CNTNAP5: variants seen among roughly 807,000 people sequenced by gnomAD.
The protein encoded by CNTNAP5 is contactin associated protein family member 5.
A neutral mutation model predicts 150.2 loss-of-function variants in CNTNAP5; 72 were observed. The ratio of observed to expected loss-of-function variants is 0.48; its 90% CI spans 0.40 to 0.58. The LOEUF is 0.58. Ranked by LOEUF, CNTNAP5 falls within the 20% of genes least tolerant of loss-of-function variation. The probability of loss-of-function intolerance (pLI) is 0.00; values close to 1 mark genes in which losing one functional copy is unlikely to be tolerated. For missense variants in CNTNAP5, 1,636 were observed against 1,626.2 expected, an observed-to-expected ratio of 1.01 and a Z score of -0.10; for synonymous variants, 672 against 619.8, an observed-to-expected ratio of 1.08 and a Z score of -1.25.
At chr2:124,343,313 T>C (rs904593996) in intron 3 of CNTNAP5, among the ~76,000 whole-genome samples, 1 of 152,214 alleles carries the variant, frequency 6.6e-6, no homozygotes. Flanking sequence ...CATACCCATA[T>C]GAATGTAACT....
intron 10 of CNTNAP5, among the ~76,000 whole-genome samples, chr2:124,531,866 G>A (rs913623154): frequency 3.3e-5 from 5 of 152,190 alleles, no homozygotes; most frequent in African/African-American, 9.7e-5. Context: ...CATTTGGGCC[G>A]AGCTTGCTTG....
chr2:124,219,021 G>A (rs1006625026), intron 1 of CNTNAP5, among the ~76,000 whole-genome samples: 1 of 152,070 alleles, frequency 6.6e-6, no homozygotes, highest in Non-Finnish European at 1.5e-5. Context: ...GAATTAATTT[G>A]AAATGATTAG....
intron 19 of CNTNAP5, among the ~76,000 whole-genome samples, chr2:124,838,329 G>A (rs1682871508): frequency 6.6e-6 from 1 of 152,026 alleles, no homozygotes; most frequent in Non-Finnish European, 1.5e-5. Context: ...GATATCTAGA[G>A]GCCTTGAGAT....
At chr2:124,063,211 G>A (rs1682060718) in intron 1 of CNTNAP5, among the ~76,000 whole-genome samples, 1 of 151,614 alleles carries the variant, frequency 6.6e-6, no homozygotes, top group South Asian at 2.1e-4. Flanking sequence ...TTATGAGCAG[G>A]TAACAATCAT....
At chr2:124,712,047 T>C (rs34634327) in intron 13 of CNTNAP5, among the ~76,000 whole-genome samples, 24,745 of 152,196 alleles carry the variant, frequency 0.16, 2,284 homozygotes, top group East Asian at 0.24. Flanking sequence ...GTTCTTGGCC[T>C]GATATCCTTT....
At chr2:124,553,164 A>G (rs1359664783) in intron 10 of CNTNAP5, among the ~76,000 whole-genome samples, 1 of 152,188 alleles carries the variant, frequency 6.6e-6, no homozygotes, top group Non-Finnish European at 1.5e-5. Flanking sequence ...AAAGTATTAT[A>G]ACACAAAACA....
In CNTNAP5 at chr2:124,077,581, C is replaced by T. The variant is rs183145647; in HGVS notation, c.82+51849C>T. 3.9e-5 allele frequency among the ~76,000 whole-genome samples: 6 copies of T among 152,288 alleles called. No homozygotes were observed. The East Asian group carries it at 1.2e-3, about 29-fold the overall frequency. ...CTCCAGAAGTGTTCACTACAGGAAG[C>T]CTAACCATTTGTCACACAGGGTCAG... On this transcript the variant is annotated intron_variant, in intron 1 of 23. Transcript: ENST00000682447.
chr2:124,316,516 G>C (rs1473825591), intron 3 of CNTNAP5, among the ~76,000 whole-genome samples: 1 of 151,970 alleles, frequency 6.6e-6, no homozygotes, highest in Admixed American at 6.6e-5. Context: ...GCTAAGAATG[G>C]CTCTCACAGC....
In CNTNAP5 at chr2:124,524,294, C is replaced by G. The variant is rs765739993; in HGVS notation, c.1328-9C>G. The G allele has an allele frequency of 7.4e-6, 12 of 1,613,514 alleles. No homozygotes were observed. Among genetic ancestry groups the G allele is most frequent in the African/African-American group, 1.3e-5 (1 of 74,886 alleles). On this transcript the variant is annotated splice_polypyrimidine_tract_variant and intron_variant, in intron 8 of 23. Coordinates refer to ENST00000682447, the MANE Select transcript of CNTNAP5 (RefSeq NM_001367498.1). ...CATCTCTATGCTTACTCTCTTGTTTCTCTTGCAGGCAGCAACTTGAATGAT... is the reference window on the plus strand; with the variant it reads ...CATCTCTATGCTTACTCTCTTGTTTGTCTTGCAGGCAGCAACTTGAATGAT...
At chr2:124,303,648 G>C (rs1416821299) in intron 3 of CNTNAP5, among the ~76,000 whole-genome samples, 1 of 152,144 alleles carries the variant, frequency 6.6e-6, no homozygotes, top group East Asian at 1.9e-4. Flanking sequence ...AGTAAAAAAG[G>C]TTTAAAAGAG....
At chr2:124,885,316 C>T (rs116227239) in intron 21 of CNTNAP5, among the ~76,000 whole-genome samples, 2,842 of 152,036 alleles carry the variant, frequency 0.019, 110 homozygotes, top group African/African-American at 0.064. Context: ...ATGTCATTCA[C>T]GTTTACAACA....
At chr2:124,158,469 A>G (rs1185709375) in intron 1 of CNTNAP5, among the ~76,000 whole-genome samples, 2 of 152,198 alleles carry the variant, frequency 1.3e-5, no homozygotes, top group Admixed American at 6.5e-5. Flanking sequence ...TCAGTTGCTT[A>G]AATTCAACGT....
intron 21 of CNTNAP5, among the ~76,000 whole-genome samples, chr2:124,871,628 T>C (rs890181656): frequency 6.6e-6 from 1 of 152,160 alleles, no homozygotes; most frequent in East Asian, 1.9e-4. Flanking sequence ...TCTTGTTTTC[T>C]GGCTTCCCCG....
At chr2:124,349,506 T>C (rs1207763737) in intron 3 of CNTNAP5, among the ~76,000 whole-genome samples, 2 of 152,202 alleles carry the variant, frequency 1.3e-5, no homozygotes, top group African/African-American at 4.8e-5. Flanking sequence ...TTCACATCCC[T>C]CATGTTTGTT....
Position 124,031,729 on chromosome 2 carries a change from T to TA in CNTNAP5, c.82+6005dup, listed in dbSNP as rs200548288. On this transcript the variant is annotated intron_variant, in intron 1 of 23. Transcript: ENST00000682447. ...TTTAATGAGTGTTGCTTATAGAATC[T>TA]AAAAAAAATACATAATCACATTGCT... 6.3e-3 allele frequency among the ~76,000 whole-genome samples: 960 copies of TA among 152,010 alleles called. 8 individuals are homozygous for TA. The highest frequency in any genetic ancestry group is 0.02 in the African/African-American group (831 of 41,490).
chr2:124,265,168 C>T (rs544239634), intron 3 of CNTNAP5, among the ~76,000 whole-genome samples: 2 of 152,296 alleles, frequency 1.3e-5, no homozygotes, highest in South Asian at 4.1e-4. Context: ...CACACTGTCA[C>T]TTCCCCACCT....
At chr2:124,610,938 G>T (rs12470391) in intron 12 of CNTNAP5, among the ~76,000 whole-genome samples, 58,894 of 142,780 alleles carry the variant, frequency 0.41, 12,679 homozygotes, top group South Asian at 0.54. Flanking sequence ...GCCTGCGACA[G>T]GGCGAGACAC....
intron 7 of CNTNAP5, among the ~76,000 whole-genome samples, chr2:124,483,066 C>T (rs756202905): frequency 6.6e-6 from 1 of 152,176 alleles, no homozygotes; most frequent in Non-Finnish European, 1.5e-5. Flanking sequence ...TGTGTTTCTC[C>T]CATGCCAGCT....
At position 124,222,898 on chromosome 2, in the gene CNTNAP5, A is replaced by C. The variant is rs1217092874; in HGVS notation, c.187+1089A>C. 4.6e-5 allele frequency among the ~76,000 whole-genome samples: 7 copies of C among 152,084 alleles called. No homozygotes were observed. In the East Asian group the frequency reaches 1.3e-3, roughly 29 times the overall value. On this transcript the variant is annotated intron_variant, in intron 2 of 23. Transcript: ENST00000682447. ...CTATTAAAATGGGATTCATAATTTAAAAGTTAGCAAGTGTCACTGGTTTGT... is the reference window on the plus strand; with the variant it reads ...CTATTAAAATGGGATTCATAATTTACAAGTTAGCAAGTGTCACTGGTTTGT...
Sources: gnomAD v4.1 joint callset for allele counts (sites outside exome capture counted in the v4.1 genomes callset) on GRCh38, gnomAD v4.1.1 for gene constraint, MANE v1.5 for transcripts, NCBI Gene and HGNC (gene_info 2026-07-23, HGNC 2026-07-21) for gene names.